Variants in KIAA1217 observed in about 807,000 individuals in gnomAD.
The protein encoded by KIAA1217 is KIAA1217.
A neutral mutation model predicts 163.9 loss-of-function variants in KIAA1217; 88 were observed. The ratio of observed to expected loss-of-function variants is 0.54; its 90% CI spans 0.45 to 0.64. The LOEUF (loss-of-function observed/expected upper bound fraction) is 0.64. Among genes scored for constraint, KIAA1217 ranks in the 30% least tolerant of loss-of-function variants. KIAA1217 has a pLI of 0.00. For missense variants in KIAA1217, 2,372 were observed against 2,475.0 expected (o/e 0.96, Z 0.88); for synonymous variants, 903 against 923.1 (o/e 0.98, Z 0.39).
At chr10:24,532,631 G>A (rs1268070332) in intron 15 of KIAA1217, among the ~76,000 whole-genome samples, 2 of 152,156 alleles carry the variant, frequency 1.3e-5, no homozygotes, top group Non-Finnish European at 2.9e-5. Context: ...AGGCAAGAAA[G>A]AGATTGTGCA....
chr10:23,697,760 C>A (rs562178525), intron 1 of KIAA1217, among the ~76,000 whole-genome samples: 47 of 151,850 alleles, frequency 3.1e-4, no homozygotes, highest in African/African-American at 1.0e-3. Flanking sequence ...ACCTGTGATC[C>A]CAGCTACTTG....
intron 2 of KIAA1217, among the ~76,000 whole-genome samples, chr10:24,033,374 C>A (rs998903407): frequency 1.3e-5 from 2 of 152,286 alleles, no homozygotes; most frequent in East Asian, 3.9e-4. Context: ...AGCACTCAAA[C>A]CATGCCTCTC....
intron 2 of KIAA1217, among the ~76,000 whole-genome samples, chr10:24,038,069 T>A (rs1848473302): frequency 6.6e-6 from 1 of 152,130 alleles, no homozygotes; most frequent in African/African-American, 2.4e-5. Context: ...TTTGTAAGGG[T>A]TTTTTGTTGG....
intron 1 of KIAA1217, among the ~76,000 whole-genome samples, chr10:23,971,079 A>T (rs998969383): frequency 2.6e-5 from 4 of 152,212 alleles, no homozygotes; most frequent in African/African-American, 9.6e-5. Flanking sequence ...ACATGTTGGC[A>T]TACTCCAGGG....
chr10:24,423,295 T>C (rs1318117523), intron 3 of KIAA1217, among the ~76,000 whole-genome samples: 2 of 151,386 alleles, frequency 1.3e-5, no homozygotes, highest in African/African-American at 4.9e-5. Flanking sequence ...AGCACTTTTT[T>C]TTTTTTTGAG....
upstream of KIAA1217, among the ~76,000 whole-genome samples, chr10:24,207,873 C>T (rs2067651244): frequency 6.6e-6 from 1 of 152,120 alleles, no homozygotes; most frequent in East Asian, 1.9e-4. Context: ...CACTCGAGGT[C>T]ACAATCTGGA....
Position 23,885,319 on chromosome 10 carries a change from C to A in KIAA1217, c.-320-121906C>A, listed in dbSNP as rs185882534. ...CTTAGCAGATTTAAACTCTACGGTA[C>A]AATATTATTAAGTATAGTCCTCATG... On this transcript the variant is annotated intron_variant, in intron 1 of 18. Transcript: ENST00000376462. 2.6e-5 allele frequency among the ~76,000 whole-genome samples: 4 copies of A among 151,922 alleles called. No homozygotes were observed. In the East Asian group the frequency reaches 7.8e-4, roughly 30 times the overall value.
chr10:23,750,518 C>T (rs1839679557), intron 1 of KIAA1217, among the ~76,000 whole-genome samples: 1 of 152,106 alleles, frequency 6.6e-6, no homozygotes. Flanking sequence ...GGTGGCTCTC[C>T]TTTGTGTTCT....
intron 2 of KIAA1217, among the ~76,000 whole-genome samples, chr10:24,069,572 C>A (rs940278791): frequency 6.6e-6 from 1 of 152,188 alleles, no homozygotes; most frequent in African/African-American, 2.4e-5. Flanking sequence ...AGACATCTCT[C>A]AATCAGATAG....
intron 1 of KIAA1217, among the ~76,000 whole-genome samples, chr10:23,908,389 T>C (rs1311018916): frequency 6.6e-6 from 1 of 152,128 alleles, no homozygotes; most frequent in African/African-American, 2.4e-5. Context: ...CAATCCCCAG[T>C]GGGCAATGGC....
intron 10 of KIAA1217, among the ~76,000 whole-genome samples, chr10:24,519,223 CTGT>C (rs2070699742): frequency 6.6e-6 from 1 of 152,174 alleles, no homozygotes; most frequent in South Asian, 2.1e-4. Context: ...TTCTTTATCC[CTGT>C]TTCCTTTGAG....
chr10:23,928,057 G>A (rs1006390967), intron 1 of KIAA1217, among the ~76,000 whole-genome samples: 25 of 152,196 alleles, frequency 1.6e-4, no homozygotes, highest in African/African-American at 6.0e-4. Context: ...AAAAAGCATA[G>A]CTTAAAAGAA....
At chr10:23,815,441 C>A (rs531538324) in intron 1 of KIAA1217, among the ~76,000 whole-genome samples, 7 of 152,000 alleles carry the variant, frequency 4.6e-5, no homozygotes, top group African/African-American at 9.7e-5. Context: ...TCAGGAGATC[C>A]AGACCATCCT....
chr10:23,771,680 C>T (rs1212822938), intron 1 of KIAA1217, among the ~76,000 whole-genome samples: 2 of 152,166 alleles, frequency 1.3e-5, no homozygotes, highest in African/African-American at 4.8e-5. Context: ...TTTTTTGATA[C>T]AACACTTCCA....
At chr10:24,119,456 A>G (rs567322519) in intron 2 of KIAA1217, among the ~76,000 whole-genome samples, 1 of 152,310 alleles carries the variant, frequency 6.6e-6, no homozygotes, top group East Asian at 1.9e-4. Flanking sequence ...AAATTTTTAA[A>G]AAAAACAACT....
intron 1 of KIAA1217, among the ~76,000 whole-genome samples, chr10:23,821,104 CGTGTGT>C (rs3072739): frequency 0.026 from 3,670 of 143,120 alleles, 61 homozygotes; most frequent in Middle Eastern, 0.11. Flanking sequence ...TGTGTGTGTG[CGTGTGT>C]GTGTGTGTGT....
intron 1 of KIAA1217, among the ~76,000 whole-genome samples, chr10:23,964,755 C>A (rs1454882818): frequency 2.0e-5 from 3 of 151,972 alleles, no homozygotes; most frequent in Non-Finnish European, 4.4e-5. Flanking sequence ...CGGGGTTTCA[C>A]CTTGTTGGCC....
chr10:24,302,170 A>G (rs1416477132), intron 2 of KIAA1217, among the ~76,000 whole-genome samples: 1 of 152,192 alleles, frequency 6.6e-6, no homozygotes, highest in East Asian at 1.9e-4. Flanking sequence ...AAAAGCATAC[A>G]GTTTATATAG....
chr10:24,319,110 G>A (rs1354688908), intron 2 of KIAA1217, among the ~76,000 whole-genome samples: 1 of 152,192 alleles, frequency 6.6e-6, no homozygotes, highest in Non-Finnish European at 1.5e-5. Flanking sequence ...GGGCGTGGTG[G>A]CTCACGCCTG....
Sources: gnomAD v4.1 joint callset for allele counts (sites outside exome capture counted in the v4.1 genomes callset) on GRCh38, gnomAD v4.1.1 for gene constraint, MANE v1.5 for transcripts, NCBI Gene and HGNC (gene_info 2026-07-23, HGNC 2026-07-21) for gene names.